The following C4orf17 variants were observed in gnomAD, a reference collection of about 807,000 sequenced individuals.
C4orf17 encodes chromosome 4 open reading frame 17.
Under a neutral mutation model 32.0 loss-of-function variants are expected in C4orf17, and 25 were observed. The ratio of observed to expected loss-of-function variants is 0.78; its 90% CI spans 0.57 to 1.09. The LOEUF is 1.09. Ranked by LOEUF, C4orf17 falls within the 50% of genes least tolerant of loss-of-function variation. The pLI is 0.00. For synonymous variants in C4orf17, 149 were observed against 145.8 expected (o/e 1.02, Z -0.16); for missense variants, 420 against 420.0 (o/e 1.00, Z 0.00).
At chr4:99,530,150 C>T (rs1464343170) in intron 5 of C4orf17, among the ~76,000 whole-genome samples, 192 bp downstream of exon 5, 3 of 152,054 alleles carry the variant, frequency 2.0e-5, no homozygotes, top group African/African-American at 7.2e-5. Flanking sequence ...GGAATCTTGC[C>T]ACTGTCAGAT....
intron 5 of C4orf17, chr4:99,535,974 T>C (rs1723554873): frequency 2.2e-6 from 1 of 450,886 alleles, no homozygotes; most frequent in African/African-American, 2.0e-5. Flanking sequence ...GCCACTCTTC[T>C]GTAGGGCTGC....
intron 3 of C4orf17, among the ~76,000 whole-genome samples, chr4:99,523,530 T>C (rs1459553375): frequency 6.6e-6 from 1 of 152,210 alleles, no homozygotes; most frequent in East Asian, 1.9e-4. Context: ...TCCCTTCTGC[T>C]AGCAATGAAG....
intron 8 of C4orf17, chr4:99,540,834 C>T (rs1215551051): frequency 6.4e-6 from 1 of 156,300 alleles, no homozygotes; most frequent in African/African-American, 2.4e-5. Flanking sequence ...GAGACAAAGT[C>T]AACCAGAGAG....
chr4:99,526,081 T>C (rs541318768), intron 4 of C4orf17, among the ~76,000 whole-genome samples: 14 of 152,312 alleles, frequency 9.2e-5, no homozygotes, highest in African/African-American at 3.4e-4. Context: ...TTGTACCTGA[T>C]CGTAGGAGGA....
At chr4:99,520,578 G>A (rs1723270701) in intron 2 of C4orf17, among the ~76,000 whole-genome samples, 1 of 152,092 alleles carries the variant, frequency 6.6e-6, no homozygotes, top group South Asian at 2.1e-4. Flanking sequence ...GCAGGCAAGG[G>A]ACTAATTTTT....
At chr4:99,539,493 G>A (rs1160608937) in intron 7 of C4orf17, 123 bp downstream of exon 7, 1 of 704,800 alleles carries the variant, frequency 1.4e-6, no homozygotes, top group Admixed American at 2.6e-5. Context: ...TATTCAGTAA[G>A]TGACTGCAAT....
intron 2 of C4orf17, among the ~76,000 whole-genome samples, chr4:99,518,542 TATAGAG>T (rs1390778573): frequency 1.6e-3 from 98 of 60,132 alleles, no homozygotes; most frequent in African/African-American, 4.9e-3. Flanking sequence ...TATATATATA[TATAGAG>T]AGAGAGAGAG....
In C4orf17 at chr4:99,511,200, T is replaced by C. The variant is rs1723087998; in HGVS notation, c.-166T>C. On this transcript the variant is annotated 5_prime_UTR_variant, in exon 1 of 9. Coordinates refer to ENST00000326581, the MANE Select transcript of C4orf17 (RefSeq NM_032149.3). ...CAACAAAAACTCAGTCTAGACATAT[T>C]ATGAGGCTGGGAGGGTATCAACAGA... 6.6e-6 allele frequency: 1 copy of C among 152,280 alleles called. No homozygotes were observed. The highest frequency in any genetic ancestry group is 1.9e-4 in the East Asian group (1 of 5,190). 9.4% of individuals were successfully genotyped at this position (152,280 alleles called of 1,614,324 possible). A position where few individuals can be genotyped will look rare whatever the true frequency, so the allele number is the denominator to read the frequency against.
At position 99,529,766 on chromosome 4, in the gene C4orf17, A is replaced by C. The variant is rs1560589183; in HGVS notation, c.403-49A>C. 3.4e-6 allele frequency: 5 copies of C among 1,454,476 alleles called. No homozygotes were observed. The South Asian group carries it at 6.8e-5, about 20-fold the overall frequency. The allele number at this position is 1,454,476 out of a possible 1,614,324, so 90.1% of individuals were successfully genotyped here. ...ATTTTACATTGAATTTTCATAGAAA[A>C]TATAGGTGGATGCAAATGTATATTG... is the stretch of plus-strand genomic sequence containing the variant. On this transcript the variant is annotated intron_variant, in intron 4 of 8. Coordinates refer to ENST00000326581, the MANE Select transcript of C4orf17 (RefSeq NM_032149.3).
intron 2 of C4orf17, among the ~76,000 whole-genome samples, chr4:99,514,049 G>A (rs1012186184): frequency 2.0e-5 from 3 of 152,044 alleles, no homozygotes; most frequent in African/African-American, 7.2e-5. Flanking sequence ...GCTATTGGGC[G>A]TAATCTAAAT....
At chr4:99,529,406 A>G (rs1723440903) in intron 4 of C4orf17, among the ~76,000 whole-genome samples, 2 of 152,344 alleles carry the variant, frequency 1.3e-5, no homozygotes, top group Non-Finnish European at 2.9e-5. Flanking sequence ...GCAAGGAAGT[A>G]GCAATTTGCA....
chr4:99,540,003 G>T (rs778797180), intron 7 of C4orf17, among the ~76,000 whole-genome samples: 1 of 152,076 alleles, frequency 6.6e-6, no homozygotes, highest in Non-Finnish European at 1.5e-5. Flanking sequence ...TAAGCTAGGA[G>T]AGAAAATCTT....
intron 2 of C4orf17, among the ~76,000 whole-genome samples, chr4:99,517,039 C>A (rs911516124): frequency 1.3e-5 from 2 of 152,150 alleles, no homozygotes; most frequent in Non-Finnish European, 2.9e-5. Context: ...CTTAAACAAC[C>A]TGCTTTTTAA....
At chr4:99,518,307 A>T (rs1002230729) in intron 2 of C4orf17, among the ~76,000 whole-genome samples, 4 of 150,570 alleles carry the variant, frequency 2.7e-5, no homozygotes, top group Non-Finnish European at 5.9e-5. Context: ...CAATCCCAAC[A>T]CTTTGGGAAG....
At chr4:99,513,348 T>C in intron 2 of C4orf17, 140 bp downstream of exon 2, 1 of 1,052,448 alleles carries the variant, frequency 9.5e-7, no homozygotes, top group Non-Finnish European at 1.4e-6. Context: ...TGGGACTAGA[T>C]GCCAGCACTG....
intron 7 of C4orf17, 69 bp from the exon 8 acceptor site, chr4:99,540,343 A>G: frequency 1.9e-6 from 2 of 1,072,304 alleles, no homozygotes; most frequent in Non-Finnish European, 1.4e-6. Flanking sequence ...TATTGATGAC[A>G]GTGTAGTCTA....
chr4:99,534,419 C>T (rs749506729), intron 5 of C4orf17, among the ~76,000 whole-genome samples: 4 of 152,056 alleles, frequency 2.6e-5, no homozygotes, highest in Non-Finnish European at 5.9e-5. Context: ...TTTGCTATTG[C>T]GAATAGTGCT....
Position 99,511,070 on chromosome 4 carries a change from G to A in C4orf17, c.-296G>A, listed in dbSNP as rs1360438432. On this transcript the variant is annotated 5_prime_UTR_variant, in exon 1 of 9. The change creates a new upstream start codon in the 5' untranslated region. Transcript: ENST00000326581. ...CACACAGGCTCCTTGGAGTAAGAGTGTGAGAAACTGGATGAAGACAGCTGT... is the reference window on the plus strand; with the variant it reads ...CACACAGGCTCCTTGGAGTAAGAGTATGAGAAACTGGATGAAGACAGCTGT... The A allele has an allele frequency of 1.3e-5, 2 of 152,186 alleles. No individual in the cohort carries two copies. The highest frequency in any genetic ancestry group is 2.9e-5 in the Non-Finnish European group (2 of 68,032). The allele number at this position is 152,186 out of a possible 1,614,324, so 9.4% of individuals were successfully genotyped here.
At chr4:99,521,214 A>G (rs916369750) in intron 2 of C4orf17, among the ~76,000 whole-genome samples, 8 of 152,088 alleles carry the variant, frequency 5.3e-5, no homozygotes, top group South Asian at 4.1e-4. Context: ...TCTACCAAAG[A>G]TACAAAAAAT....
Sources: gnomAD v4.1 joint callset for allele counts (sites outside exome capture counted in the v4.1 genomes callset) on GRCh38, gnomAD v4.1.1 for gene constraint, MANE v1.5 for transcripts, NCBI Gene and HGNC (gene_info 2026-07-23, HGNC 2026-07-21) for gene names.